DGLUCY: variants seen among roughly 807,000 people sequenced by gnomAD.
DGLUCY encodes the protein D-glutamate cyclase, mitochondrial.
DGLUCY carries 58 observed loss-of-function variants against 58.5 expected under a neutral mutation model. The observed-to-expected ratio is 0.99, with a 90% confidence interval of 0.80 to 1.23. DGLUCY has a LOEUF of 1.23. DGLUCY is among the 50% of genes most tolerant of loss of function. The probability of loss-of-function intolerance (pLI) is 0.00; values close to 1 mark genes in which losing one functional copy is unlikely to be tolerated. For synonymous variants in DGLUCY, 325 were observed against 314.1 expected (o/e 1.03, Z -0.37); for missense variants, 779 against 784.7 (o/e 0.99, Z 0.09).
At chr14:91,103,751 C>T (rs1448394698), upstream of DGLUCY, among the ~76,000 whole-genome samples, 2 of 152,028 alleles carry the variant, frequency 1.3e-5, no homozygotes, top group Non-Finnish European at 2.9e-5. Context: ...ACCTACAGTC[C>T]TTCTCTGCTA....
intron 9 of DGLUCY, among the ~76,000 whole-genome samples, chr14:91,192,079 C>A (rs1342786236): frequency 9.2e-5 from 14 of 152,176 alleles, no homozygotes; most frequent in Admixed American, 9.2e-4. Context: ...ATGCTCATAG[C>A]ACTTTATTTG....
chr14:91,177,038 G>T (rs1397711782), intron 7 of DGLUCY, among the ~76,000 whole-genome samples: 1 of 149,518 alleles, frequency 6.7e-6, no homozygotes, highest in Non-Finnish European at 1.5e-5. Flanking sequence ...TCACTCTATT[G>T]CCAAGGCTTG....
intron 12 of DGLUCY, among the ~76,000 whole-genome samples, chr14:91,211,373 A>C (rs1885653224): frequency 6.6e-6 from 1 of 152,256 alleles, no homozygotes; most frequent in Admixed American, 6.5e-5. Flanking sequence ...AGAATAACAA[A>C]CTGAATATTG....
At chr14:91,199,958 T>C in intron 11 of DGLUCY, 53 bp downstream of exon 11, 6 of 1,604,802 alleles carry the variant, frequency 3.7e-6, no homozygotes, top group Non-Finnish European at 4.3e-6. Context: ...TGAAGTGTCT[T>C]TTGTTGTTGT....
intron 8 of DGLUCY, among the ~76,000 whole-genome samples, chr14:91,184,916 A>G (rs891633807): frequency 6.6e-6 from 1 of 152,100 alleles, no homozygotes; most frequent in Non-Finnish European, 1.5e-5. Flanking sequence ...CTCATAGGTT[A>G]TGCTCATGAC....
At chr14:91,212,863 T>C (rs1020329316) in intron 12 of DGLUCY, among the ~76,000 whole-genome samples, 2 of 152,094 alleles carry the variant, frequency 1.3e-5, no homozygotes, top group African/African-American at 4.8e-5. Context: ...TAGCTCGGCA[T>C]GGTGGCAGGT....
intron 5 of DGLUCY, among the ~76,000 whole-genome samples, chr14:91,172,680 T>C (rs982154050): frequency 7.9e-5 from 12 of 151,864 alleles, no homozygotes; most frequent in Non-Finnish European, 1.3e-4. Context: ...GGAGTCTTGC[T>C]CTGTCACCCA....
At chr14:91,164,678 C>T (rs2048176592) in intron 3 of DGLUCY, among the ~76,000 whole-genome samples, 1 of 152,164 alleles carries the variant, frequency 6.6e-6, no homozygotes, top group Non-Finnish European at 1.5e-5. Context: ...TTACTTTCTC[C>T]CAAAGAGTCT....
chr14:91,181,141 C>T lies in DGLUCY; in HGVS notation c.731-45C>T, dbSNP rs559634696. 9 of 1,583,138 alleles carry T rather than the reference C, an allele frequency of 5.7e-6. No individual in the cohort carries two copies. The Admixed American group carries it at 1.3e-4, about 24-fold the overall frequency. On this transcript the variant is annotated intron_variant, in intron 7 of 13. Transcript: ENST00000256324. Reference sequence around the variant, plus strand: ...GTGGGCTAGATGAGGGTAGGCTGGACTTGATGAAGTGGCTGGGCTCAGACC... The same window carrying T: ...GTGGGCTAGATGAGGGTAGGCTGGATTTGATGAAGTGGCTGGGCTCAGACC...
At chr14:91,067,143 A>G (rs1450422197) in intron 1 of DGLUCY, among the ~76,000 whole-genome samples, 1 of 152,026 alleles carries the variant, frequency 6.6e-6, no homozygotes, top group Non-Finnish European at 1.5e-5. Context: ...AGAACAAAAA[A>G]AAGAAGAGTG....
intron 3 of DGLUCY, among the ~76,000 whole-genome samples, chr14:91,162,165 C>A (rs540832187): frequency 6.6e-6 from 1 of 152,152 alleles, no homozygotes; most frequent in African/African-American, 2.4e-5. Context: ...TCCCCGCTGC[C>A]GTGAAATGCT....
At chr14:91,071,828 A>G (rs1440399590) in intron 1 of DGLUCY, among the ~76,000 whole-genome samples, 1 of 151,798 alleles carries the variant, frequency 6.6e-6, no homozygotes, top group African/African-American at 2.4e-5. Context: ...AGATCGCGCC[A>G]CTGCACTCCA....
chr14:91,094,164 C>T (rs879377714), intron 1 of DGLUCY, among the ~76,000 whole-genome samples: 1 of 151,976 alleles, frequency 6.6e-6, no homozygotes, highest in East Asian at 1.9e-4. Flanking sequence ...AGGCTGGGCA[C>T]GGTAGCTCAC....
At chr14:91,215,896 T>A (rs1362362209) in intron 13 of DGLUCY, 1 of 532,204 alleles carries the variant, frequency 1.9e-6, no homozygotes, top group Non-Finnish European at 2.9e-6. Context: ...TGGTGGGTAC[T>A]TCATACTGTT....
At chr14:91,205,474 C>T (rs1219745142) in intron 12 of DGLUCY, among the ~76,000 whole-genome samples, 1 of 152,122 alleles carries the variant, frequency 6.6e-6, no homozygotes, top group African/African-American at 2.4e-5. Context: ...GGCTCTCTCC[C>T]ACTTCATGAT....
intron 5 of DGLUCY, 61 bp downstream of exon 5, chr14:91,170,262 A>G: frequency 6.4e-7 from 1 of 1,554,178 alleles, no homozygotes; most frequent in East Asian, 2.3e-5. Flanking sequence ...ATCAACTTAC[A>G]TATTCCTGGG....
chr14:91,220,295 A>G, intron 13 of DGLUCY: 1 of 359,814 alleles, frequency 2.8e-6, no homozygotes, highest in Non-Finnish European at 5.5e-6. Flanking sequence ...TTTTTGGGTG[A>G]TTGGAAGATG....
At chr14:91,201,456 G>A (rs1194302784) in intron 11 of DGLUCY, among the ~76,000 whole-genome samples, 1 of 151,934 alleles carries the variant, frequency 6.6e-6, no homozygotes, top group Admixed American at 6.6e-5. Context: ...ATGCCACCAC[G>A]CCCAGCTAAT....
At chr14:91,212,832 C>G (rs1885893346) in intron 12 of DGLUCY, among the ~76,000 whole-genome samples, 1 of 152,068 alleles carries the variant, frequency 6.6e-6, no homozygotes, top group Non-Finnish European at 1.5e-5. Context: ...GAAACCCCAT[C>G]TCTACTAAAA....
Sources: allele counts gnomAD v4.1 joint callset (sites outside exome capture counted in the v4.1 genomes callset), GRCh38; gene constraint gnomAD v4.1.1; transcripts MANE v1.5; gene names NCBI Gene and HGNC (gene_info 2026-07-23, HGNC 2026-07-21).